Variants in MID1 observed in about 807,000 individuals in gnomAD.
The protein encoded by MID1 is E3 ubiquitin-protein ligase Midline-1.
In MID1, 7 loss-of-function variants were observed where a neutral mutation model predicts 40.4. That is an observed-to-expected ratio of 0.17 (90% confidence interval 0.10 to 0.33). MID1 has a LOEUF of 0.33. Ranked by LOEUF, MID1 falls within the 10% of genes least tolerant of loss-of-function variation. The pLI is 1.00. For missense variants in MID1, 367 were observed against 558.5 expected (o/e 0.66, Z 3.46); for synonymous variants, 229 against 221.2 (o/e 1.04, Z -0.31).
chrX:10,734,029 C>T lies in MID1; in HGVS notation c.-187+99525G>A, dbSNP rs746769027. On this transcript the variant is annotated intron_variant, in intron 1 of 10. Coordinates refer to the MID1 transcript ENST00000380785. Reference sequence around the variant, plus strand: ...TAGAGTAGCTTTATTCATAACAGTCCCAAACTGTATAGTGCCCAAATGTCC... The same window carrying T: ...TAGAGTAGCTTTATTCATAACAGTCTCAAACTGTATAGTGCCCAAATGTCC... 2.7e-5 allele frequency among the ~76,000 whole-genome samples: 3 copies of T among 111,851 alleles called. No individual in the cohort carries two copies. In the South Asian group the frequency reaches 1.1e-3, roughly 42 times the overall value.
intron 7 of MID1, among the ~76,000 whole-genome samples, chrX:10,464,677 G>A (rs1164176003): frequency 1.8e-5 from 2 of 112,007 alleles, no homozygotes; most frequent in Admixed American, 1.9e-4. Flanking sequence ...CAGCAGTCGG[G>A]TTGCCACAGT....
intron 8 of MID1, among the ~76,000 whole-genome samples, chrX:10,458,138 C>G (rs1928795621): frequency 8.9e-6 from 1 of 112,634 alleles, no homozygotes; most frequent in Non-Finnish European, 1.9e-5. Flanking sequence ...ACTTGGTGCT[C>G]AAACATATCT....
intron 2 of MID1, among the ~76,000 whole-genome samples, chrX:10,528,172 T>A (rs1334679859): frequency 9.0e-6 from 1 of 111,181 alleles, no homozygotes; most frequent in Non-Finnish European, 1.9e-5. Context: ...AAACCTAATG[T>A]GAGCCACAAA....
At chrX:10,648,666 C>T (rs1160269750) in intron 1 of MID1, among the ~76,000 whole-genome samples, 1 of 111,568 alleles carries the variant, frequency 9.0e-6, no homozygotes, top group Non-Finnish European at 1.9e-5. Context: ...GTGGCAGAGA[C>T]AATGTTATAT....
At chrX:10,705,843 G>T (rs1044758258) in intron 1 of MID1, among the ~76,000 whole-genome samples, 1 of 112,071 alleles carries the variant, frequency 8.9e-6, no homozygotes, top group Non-Finnish European at 1.9e-5. Context: ...AATTCGGGGG[G>T]GCTCAGTCCA....
chrX:10,668,137 C>A (rs2042962113), intron 1 of MID1, among the ~76,000 whole-genome samples: 1 of 111,603 alleles, frequency 9.0e-6, no homozygotes, highest in Non-Finnish European at 1.9e-5. Context: ...AAGTAACATA[C>A]AAAGAGTTAT....
At chrX:10,774,296 T>A (rs1035257846) in intron 1 of MID1, among the ~76,000 whole-genome samples, 1 of 110,510 alleles carries the variant, frequency 9.0e-6, no homozygotes, top group Non-Finnish European at 1.9e-5. Context: ...CCTCACAAAG[T>A]GCCAGAAAAA....
intron 1 of MID1, among the ~76,000 whole-genome samples, chrX:10,744,963 G>A (rs961057493): frequency 8.9e-6 from 1 of 112,189 alleles, no homozygotes; most frequent in Non-Finnish European, 1.9e-5. Context: ...TATGACCAGG[G>A]GAAACACTTT....
At chrX:10,776,312 CAG>C (rs2043802397) in intron 1 of MID1, among the ~76,000 whole-genome samples, 1 of 111,977 alleles carries the variant, frequency 8.9e-6, no homozygotes, top group African/African-American at 3.2e-5. Flanking sequence ...AGAATCCAGA[CAG>C]AGTGTAGAAG....
chrX:10,571,285 G>T (rs1183355445), intron 1 of MID1, among the ~76,000 whole-genome samples: 1 of 111,220 alleles, frequency 9.0e-6, no homozygotes, highest in African/African-American at 3.3e-5. Flanking sequence ...AAAAGGAAGG[G>T]GTTTTGGTTT....
chrX:10,629,240 C>T (rs1460293249), intron 1 of MID1, among the ~76,000 whole-genome samples: 4 of 110,348 alleles, frequency 3.6e-5, no homozygotes, highest in African/African-American at 1.3e-4. Context: ...CTCTGTCATC[C>T]AGGCTGTTGT....
chrX:10,448,993 C>A lies in MID1; in HGVS notation c.*375G>T. On this transcript the variant is annotated 3_prime_UTR_variant, in exon 10 of 10. Coordinates refer to ENST00000317552, the MANE Select transcript of MID1 (RefSeq NM_000381.4). ...AGAAGATGAGTAACATACAAAACTA[C>A]AAAAGTTTTTGTTTTTTTGTAAGCC... is the stretch of plus-strand genomic sequence containing the variant. 1 of 158,830 alleles carries A rather than the reference C, an allele frequency of 6.3e-6. No individual in the cohort carries two copies. The highest frequency in any genetic ancestry group is 1.2e-5 in the Non-Finnish European group (1 of 82,412). The allele number at this position is 158,830 out of a possible 1,213,427, so 13.1% of individuals were successfully genotyped here.
chrX:10,452,332 A>AAAATACTAAGTGT (rs1928393746), intron 9 of MID1, among the ~76,000 whole-genome samples: 1 of 112,380 alleles, frequency 8.9e-6, no homozygotes, highest in Non-Finnish European at 1.9e-5. Context: ...AGAGAGTAAG[A>AAAATACTAAGTGT]AAATACTAAG....
At chrX:10,832,124 TA>T (rs2044256878) in intron 1 of MID1, among the ~76,000 whole-genome samples, 1 of 112,825 alleles carries the variant, frequency 8.9e-6, no homozygotes, top group African/African-American at 3.2e-5. Flanking sequence ...CGGCTTGTGC[TA>T]TTAAGAATTT....
intron 8 of MID1, among the ~76,000 whole-genome samples, chrX:10,458,181 C>A (rs1451047039): frequency 8.9e-6 from 1 of 112,469 alleles, no homozygotes; most frequent in African/African-American, 3.2e-5. Context: ...TGTTCAAATG[C>A]AAATCAAATA....
intron 2 of MID1, among the ~76,000 whole-genome samples, chrX:10,525,990 T>C (rs967306528): frequency 8.9e-6 from 1 of 112,219 alleles, no homozygotes; most frequent in African/African-American, 3.2e-5. Context: ...TCCACATATG[T>C]TTATGCTTGG....
intron 1 of MID1, among the ~76,000 whole-genome samples, chrX:10,802,336 T>TA (rs1333694237): frequency 1.8e-5 from 2 of 110,202 alleles, no homozygotes; most frequent in Non-Finnish European, 3.8e-5. Flanking sequence ...ACTGAACATG[T>TA]AAAAAAACAA....
At position 10,765,381 on chromosome X, in the gene MID1, G is replaced by A. The variant is rs73484921; in HGVS notation, c.-187+68173C>T. Among the ~76,000 whole-genome samples, 989 of 112,435 alleles carry A rather than the reference G, an allele frequency of 8.8e-3. 11 individuals carry two copies. Among genetic ancestry groups the A allele is most frequent in the African/African-American group, 0.031 (952 of 30,990 alleles). On this transcript the variant is annotated intron_variant, in intron 1 of 10. Coordinates refer to the MID1 transcript ENST00000380785. Reference sequence around the variant, plus strand: ...ACTTAATTTCAAAGGCTGGTATTCAGAGATAAAGCTAGACTTTGCAGTATA... The same window carrying A: ...ACTTAATTTCAAAGGCTGGTATTCAAAGATAAAGCTAGACTTTGCAGTATA...
intron 1 of MID1, among the ~76,000 whole-genome samples, chrX:10,714,567 A>T: frequency 8.9e-6 from 1 of 112,844 alleles, no homozygotes; most frequent in Non-Finnish European, 1.9e-5. Flanking sequence ...ACTTTTGTTA[A>T]TCGAATCTGG....
Sources: gnomAD v4.1 joint callset for allele counts (sites outside exome capture counted in the v4.1 genomes callset) on GRCh38, gnomAD v4.1.1 for gene constraint, MANE v1.5 for transcripts, NCBI Gene and HGNC (gene_info 2026-07-23, HGNC 2026-07-21) for gene names.